Variants in CLSTN1 observed in about 807,000 individuals in gnomAD.
CLSTN1 encodes the protein calsyntenin-1.
A neutral mutation model predicts 108.3 loss-of-function variants in CLSTN1; 28 were observed. The ratio of observed to expected loss-of-function variants is 0.26; its 90% CI spans 0.19 to 0.35. CLSTN1 has a LOEUF of 0.35. Ranked by LOEUF, CLSTN1 falls within the 10% of genes least tolerant of loss-of-function variation. CLSTN1 has a pLI of 1.00. For missense variants in CLSTN1, 1,157 were observed against 1,302.6 expected, an observed-to-expected ratio of 0.89 and a Z score of 1.72; for synonymous variants, 524 against 534.9, an observed-to-expected ratio of 0.98 and a Z score of 0.28.
intron 2 of CLSTN1, among the ~76,000 whole-genome samples, chr1:9,765,818 A>T (rs575353499): frequency 3.3e-5 from 5 of 152,036 alleles, no homozygotes; most frequent in African/African-American, 1.2e-4. Context: ...GGGAGGTTGC[A>T]GTGAGCCAAG....
intron 7 of CLSTN1, among the ~76,000 whole-genome samples, chr1:9,748,042 TAA>T (rs59608707): frequency 1.1e-4 from 15 of 134,786 alleles, no homozygotes; most frequent in Non-Finnish European, 1.1e-4. Context: ...AGACTCTGTC[TAA>T]AAAAAAAAAA....
chr1:9,781,369 T>C, intron 1 of CLSTN1: 1 of 479,968 alleles, frequency 2.1e-6, no homozygotes, highest in Non-Finnish European at 3.7e-6. Context: ...AAAAGAATTA[T>C]AAAACCATAG....
At chr1:9,814,021 G>C (rs977616422) in intron 1 of CLSTN1, among the ~76,000 whole-genome samples, 1 of 151,944 alleles carries the variant, frequency 6.6e-6, no homozygotes, top group Non-Finnish European at 1.5e-5. Context: ...AGAATGGCAT[G>C]AACCTGGGAG....
chr1:9,768,045 G>C (rs1652434257), intron 2 of CLSTN1, among the ~76,000 whole-genome samples: 2 of 152,140 alleles, frequency 1.3e-5, no homozygotes, highest in Non-Finnish European at 2.9e-5. Flanking sequence ...ATGATGAAAT[G>C]GAGGCACAGA....
chr1:9,738,949 G>A lies in CLSTN1; in HGVS notation c.1520-1395C>T, dbSNP rs140750370. Among the ~76,000 whole-genome samples, 892 of 152,300 alleles carry A rather than the reference G, an allele frequency of 5.9e-3. 10 individuals are homozygous for A. Among genetic ancestry groups the A allele is most frequent in the African/African-American group, 0.02 (827 of 41,558 alleles). On this transcript the variant is annotated intron_variant, in intron 10 of 18. Transcript: ENST00000377298. ...TTACAGGTGTGAGCCACTGCGCACG[G>A]TCATCTTTCATAAATTTCTAACCTT...
intron 1 of CLSTN1, among the ~76,000 whole-genome samples, chr1:9,819,415 A>G (rs1379955739): frequency 1.2e-4 from 18 of 152,224 alleles, no homozygotes; most frequent in Admixed American, 1.2e-3. Flanking sequence ...TAGTGTTACG[A>G]AATTACAGCA....
intron 2 of CLSTN1, 146 bp from the exon 3 acceptor site, chr1:9,756,656 T>C: frequency 1.6e-6 from 1 of 635,542 alleles, no homozygotes; most frequent in South Asian, 2.1e-5. Flanking sequence ...CAGCAAAACC[T>C]AATCTTCAGG....
intron 2 of CLSTN1, among the ~76,000 whole-genome samples, chr1:9,759,949 CTTGAG>C (rs916610266): frequency 6.6e-6 from 1 of 152,158 alleles, no homozygotes; most frequent in African/African-American, 2.4e-5. Context: ...CAGTTTTTGA[CTTGAG>C]TTTACTGTGG....
chr1:9,771,769 C>T (rs1248446497), intron 2 of CLSTN1, among the ~76,000 whole-genome samples: 1 of 152,106 alleles, frequency 6.6e-6, no homozygotes. Context: ...ACTTGGGAGG[C>T]TCTATCTTTA....
Position 9,751,673 on chromosome 1 carries a change from A to G in CLSTN1, c.449T>C (p.Val150Ala). ...ATTCACGTCGTTCACCTGAATATGA[A>G]CAGTTGCTCTGGACAAAGGGAGGGA... ...TNVKKSHKAT[V>A]HIQVNDVNEY... The change falls in exon 5 of 19, where the codon GTT becomes GCT. Residue 150 changes from valine (V) to alanine (A), a missense_variant. Transcript: ENST00000377298. 2 of 1,614,074 alleles carry G rather than the reference A, an allele frequency of 1.2e-6. No homozygotes were observed. Among genetic ancestry groups the G allele is most frequent in the Non-Finnish European group, 1.7e-6 (2 of 1,179,986 alleles).
chr1:9,770,025 G>A lies in CLSTN1; in HGVS notation c.214+3247C>T, dbSNP rs1179899201. On this transcript the variant is annotated intron_variant, in intron 2 of 18. Transcript: ENST00000377298. ...AGCCTGGGCGACAGAGTGAGACTCC[G>A]TCTCAAAAAAAAAAAAAAAGGGTGA... is the stretch of plus-strand genomic sequence containing the variant. Among the ~76,000 whole-genome samples, 103 of 58,900 alleles carry A rather than the reference G, an allele frequency of 1.7e-3. 1 individual carries two copies. Among genetic ancestry groups the A allele is most frequent in the Admixed American group, 4.8e-4 (3 of 6,286 alleles). The allele number at this position is 58,900 out of a possible 152,430, so 38.6% of individuals were successfully genotyped here.
chr1:9,739,406 T>C (rs1026091463), intron 10 of CLSTN1, among the ~76,000 whole-genome samples: 1 of 152,226 alleles, frequency 6.6e-6, no homozygotes, highest in Non-Finnish European at 1.5e-5. Flanking sequence ...TTCACAAATG[T>C]AGTATTTCAG....
At chr1:9,755,589 G>A (rs1347669273) in intron 3 of CLSTN1, among the ~76,000 whole-genome samples, 1 of 152,102 alleles carries the variant, frequency 6.6e-6, no homozygotes. Context: ...AATATAGACA[G>A]GCATTCCACA....
intron 2 of CLSTN1, among the ~76,000 whole-genome samples, chr1:9,769,067 G>A (rs1243178679): frequency 6.8e-6 from 1 of 146,004 alleles, no homozygotes; most frequent in Non-Finnish European, 1.5e-5. Context: ...GAGAGGGAGG[G>A]AGAGAGGAAG....
At position 9,735,996 on chromosome 1, in the gene CLSTN1, G is replaced by A. The variant is rs755766121; in HGVS notation, c.1623C>T (p.Gly541=). The change falls in exon 12 of 19, where the codon GGC becomes GGT. Residue 541 remains glycine (G), a synonymous_variant. Transcript: ENST00000377298. ...CGAGTTTCCCGGAACGGAGAGTTAA[G>A]CCAGCCAGATTGCCTCGGAAAAACT... ...MTQFFRGNLA[G]LTLRSGKLAD... 1 of 1,614,184 alleles carries A rather than the reference G, an allele frequency of 6.2e-7. No homozygotes were observed. Among genetic ancestry groups the A allele is most frequent in the South Asian group, 1.1e-5 (1 of 91,084 alleles).
intron 16 of CLSTN1, 51 bp downstream of exon 16, chr1:9,733,349 GC>G: frequency 6.2e-7 from 1 of 1,603,136 alleles, no homozygotes; most frequent in Non-Finnish European, 8.5e-7. Context: ...GCAAATCAGC[GC>G]CCTCACTCAC....
chr1:9,754,344 G>A (rs928108035), intron 4 of CLSTN1, among the ~76,000 whole-genome samples: 6 of 151,786 alleles, frequency 4.0e-5, no homozygotes, highest in Non-Finnish European at 8.8e-5. Flanking sequence ...GGTGAATGAT[G>A]GGGTCAGGAG....
chr1:9,799,873 G>A (rs776174185), intron 1 of CLSTN1, among the ~76,000 whole-genome samples: 10 of 149,136 alleles, frequency 6.7e-5, no homozygotes, highest in Admixed American at 2.7e-4. Flanking sequence ...CCCGGGAGGC[G>A]GAGGTTGCAG....
At position 9,791,677 on chromosome 1, in the gene CLSTN1, G is replaced by A. The variant is rs182689204; in HGVS notation, c.92-18283C>T. ...CTCCTGAGAAGTTGGGATTACAGGTGCCCACCACCATGCCCACTAATTTTT... is the reference window on the plus strand; with the variant it reads ...CTCCTGAGAAGTTGGGATTACAGGTACCCACCACCATGCCCACTAATTTTT... On this transcript the variant is annotated intron_variant, in intron 1 of 18. Transcript: ENST00000377298. Among the ~76,000 whole-genome samples, 641 of 151,322 alleles carry A rather than the reference G, an allele frequency of 4.2e-3. 31 individuals carry two copies. In the East Asian group the frequency reaches 0.046, roughly 11 times the overall value.
Sources: allele counts gnomAD v4.1 joint callset (sites outside exome capture counted in the v4.1 genomes callset), GRCh38; gene constraint gnomAD v4.1.1; transcripts MANE v1.5; gene names NCBI Gene and HGNC (gene_info 2026-07-23, HGNC 2026-07-21).